KALRN: variants seen among roughly 807,000 people sequenced by gnomAD.
KALRN encodes the protein kalirin RhoGEF kinase.
A neutral mutation model predicts 353.7 loss-of-function variants in KALRN; 70 were observed. That is an observed-to-expected ratio of 0.20 (90% confidence interval 0.16 to 0.24). The LOEUF (loss-of-function observed/expected upper bound fraction) is 0.24, where lower values mean the gene tolerates loss of function less well. Ranked by LOEUF, KALRN falls within the 10% of genes least tolerant of loss-of-function variation. The pLI is 1.00. For missense variants in KALRN, 2,791 were observed against 3,756.7 expected, an observed-to-expected ratio of 0.74 and a Z score of 6.72; for synonymous variants, 1,391 against 1,434.8, an observed-to-expected ratio of 0.97 and a Z score of 0.69.
chr3:124,665,910 TGAA>T (rs1230603514), intron 45 of KALRN, among the ~76,000 whole-genome samples: 1 of 152,176 alleles, frequency 6.6e-6, no homozygotes, highest in African/African-American at 2.4e-5. Flanking sequence ...CTAAAATAAT[TGAA>T]GAAGAGAGGG....
At position 124,674,611 on chromosome 3, in the gene KALRN, T is replaced by C; in HGVS notation, c.7190T>C (p.Ile2397Thr). 6.3e-7 allele frequency: 1 copy of C among 1,583,146 alleles called. No homozygotes were observed. Among genetic ancestry groups the C allele is most frequent in the Non-Finnish European group, 8.6e-7 (1 of 1,161,458 alleles). Reference protein sequence around the residue: ...ATAAESSDGSIKKSCSWHTLR... With the variant: ...ATAAESSDGSTKKSCSWHTLR... ...GCAGCAGAAAGTAGTGACGGGAGCA[T>C]CAAGTAAGTGCCTCGTTGGCTTCCC... The change falls in exon 49 of 60, where the codon ATC becomes ACC. Residue 2397 changes from isoleucine to threonine, a missense_variant. Around this residue, in one of 11 missense-constraint regions of KALRN, gnomAD observed 1,065 missense variants for 1,156.4 expected, o/e 0.92. Coordinates refer to ENST00000682506, the MANE Select transcript of KALRN (RefSeq NM_001388419.1).
At chr3:124,128,662 G>A (rs1224256323) in intron 1 of KALRN, among the ~76,000 whole-genome samples, 1 of 152,138 alleles carries the variant, frequency 6.6e-6, no homozygotes, top group Non-Finnish European at 1.5e-5. Context: ...AGACTACAGA[G>A]CCATGAAAAA....
At chr3:124,205,074 C>T (rs1277712351) in intron 1 of KALRN, among the ~76,000 whole-genome samples, 3 of 152,168 alleles carry the variant, frequency 2.0e-5, no homozygotes, top group South Asian at 2.1e-4. Context: ...AACAAAACAG[C>T]GTCAGGACAT....
At chr3:124,290,374 CT>C (rs1049386349) in intron 5 of KALRN, among the ~76,000 whole-genome samples, 14 of 152,102 alleles carry the variant, frequency 9.2e-5, no homozygotes, top group African/African-American at 3.1e-4. Flanking sequence ...TAGGAAGTGA[CT>C]GGGTTTCATC....
At chr3:124,152,589 C>CTT (rs763337192) in intron 1 of KALRN, 1 of 392,904 alleles carries the variant, frequency 2.5e-6, no homozygotes, top group African/African-American at 2.9e-5. Flanking sequence ...TTCTTTCTTT[C>CTT]TTTCTTTTTT....
At chr3:124,288,111 G>A (rs1373807813) in intron 5 of KALRN, among the ~76,000 whole-genome samples, 1 of 152,032 alleles carries the variant, frequency 6.6e-6, no homozygotes, top group Admixed American at 6.6e-5. Context: ...CTGACCTCAG[G>A]TAATCCACCT....
Position 124,396,724 on chromosome 3 carries a change from G to T in KALRN, c.2171+1381G>T, listed in dbSNP as rs143413862. On this transcript the variant is annotated intron_variant, in intron 12 of 59. Coordinates refer to ENST00000682506, the MANE Select transcript of KALRN (RefSeq NM_001388419.1). ...ACTTGTTCTTAACAACTGTAAACCT[G>T]CACAATGCCTAAGGGCATAAGGCTA... Among the ~76,000 whole-genome samples the T allele has an allele frequency of 2.6e-5, 4 of 152,350 alleles. No homozygotes were observed. In the East Asian group the frequency reaches 7.7e-4, roughly 29 times the overall value.
In KALRN at chr3:124,240,632, T is replaced by A. The variant is rs2080318299; in HGVS notation, c.263+5689T>A. Among the ~76,000 whole-genome samples, 2 of 152,142 alleles carry A rather than the reference T, an allele frequency of 1.3e-5. 1 individual carries two copies. Among genetic ancestry groups the A allele is most frequent in the South Asian group, 4.2e-4 (2 of 4,816 alleles). ...CCCATTCTCTCATCTCCTGTCATCA[T>A]TGACTGAATGTACCGAGAAGCCAGA... is the stretch of plus-strand genomic sequence containing the variant. On this transcript the variant is annotated intron_variant, in intron 3 of 59. Coordinates refer to ENST00000682506, the MANE Select transcript of KALRN (RefSeq NM_001388419.1).
At chr3:124,546,440 G>A (rs1263455074) in intron 33 of KALRN, among the ~76,000 whole-genome samples, 1 of 152,082 alleles carries the variant, frequency 6.6e-6, no homozygotes, top group African/African-American at 2.4e-5. Context: ...CTCCAGCCTG[G>A]GTGATAGAGT....
intron 1 of KALRN, among the ~76,000 whole-genome samples, chr3:124,142,421 T>C (rs1162499134): frequency 6.6e-6 from 1 of 152,232 alleles, no homozygotes; most frequent in Non-Finnish European, 1.5e-5. Flanking sequence ...AGAAGGTGCT[T>C]AATAAATACT....
chr3:124,628,171 TCCCTC>T (rs1271287581), intron 34 of KALRN, among the ~76,000 whole-genome samples: 1 of 31,296 alleles, frequency 3.2e-5, no homozygotes, highest in Non-Finnish European at 5.3e-5. Flanking sequence ...CTTCCTTCCT[TCCCTC>T]CCTCCCTCCT....
At chr3:124,287,770 G>GATATATATAT (rs58694397) in intron 5 of KALRN, among the ~76,000 whole-genome samples, 3 of 114,614 alleles carry the variant, frequency 2.6e-5, no homozygotes, top group African/African-American at 3.6e-5. Flanking sequence ...GGCCTAGGAA[G>GATATATATAT]ATATATATAT....
chr3:124,563,129 G>A (rs1341049177), intron 34 of KALRN, 40 bp downstream of exon 34: 4 of 1,352,720 alleles, frequency 3.0e-6, no homozygotes, highest in South Asian at 1.2e-5. Context: ...GACCAAGGAG[G>A]CCATGAGCGC....
intron 1 of KALRN, among the ~76,000 whole-genome samples, chr3:124,118,462 T>C (rs886649018): frequency 4.6e-5 from 7 of 152,012 alleles, no homozygotes; most frequent in African/African-American, 1.7e-4. Context: ...TGCAAAGATA[T>C]ACATGTGAAC....
intron 22 of KALRN, among the ~76,000 whole-genome samples, chr3:124,456,183 A>C (rs1345536364): frequency 6.6e-6 from 1 of 152,186 alleles, no homozygotes; most frequent in African/African-American, 2.4e-5. Flanking sequence ...TTAAATAAAT[A>C]TATTTGATTT....
intron 1 of KALRN, among the ~76,000 whole-genome samples, chr3:124,125,335 G>A (rs1426867200): frequency 1.3e-5 from 2 of 152,176 alleles, no homozygotes; most frequent in Non-Finnish European, 2.9e-5. Flanking sequence ...TTCCTGCTCT[G>A]TTCTTTCATG....
chr3:124,560,016 G>A (rs1237190741), intron 33 of KALRN, among the ~76,000 whole-genome samples: 1 of 152,220 alleles, frequency 6.6e-6, no homozygotes, highest in Non-Finnish European at 1.5e-5. Flanking sequence ...GCCTACAGGA[G>A]GCAAACACTG....
intron 33 of KALRN, among the ~76,000 whole-genome samples, chr3:124,517,458 T>C (rs140559941): frequency 6.8e-4 from 103 of 152,310 alleles, no homozygotes; most frequent in African/African-American, 2.3e-3. Context: ...TGTGAGACTG[T>C]GAGATTATAC....
intron 57 of KALRN, among the ~76,000 whole-genome samples, 154 bp from the exon 58 acceptor site, chr3:124,712,781 G>T (rs1331948745): frequency 6.6e-6 from 1 of 151,254 alleles, no homozygotes; most frequent in East Asian, 1.9e-4. Context: ...AGGAAAAATG[G>T]ATTCTCTGAA....
Sources: gnomAD v4.1 joint callset for allele counts (sites outside exome capture counted in the v4.1 genomes callset) on GRCh38, gnomAD v4.1.1 for gene constraint, gnomAD v4.1.1 regional missense constraint, MANE v1.5 for transcripts, NCBI Gene and HGNC (gene_info 2026-07-23, HGNC 2026-07-21) for gene names.